Variants in ABCA13 observed in about 807,000 individuals in gnomAD.
The protein encoded by ABCA13 is ATP binding cassette subfamily A member 13.
Under a neutral mutation model 478.7 loss-of-function variants are expected in ABCA13, and 476 were observed. That is an observed-to-expected ratio of 0.99 (90% confidence interval 0.92 to 1.07). The LOEUF is 1.07. Ranked by LOEUF, ABCA13 falls within the 50% of genes least tolerant of loss-of-function variation. The pLI is 0.00. For synonymous variants in ABCA13, 2,252 were observed against 2,158.9 expected (o/e 1.04, Z -1.20); for missense variants, 6,060 against 5,910.6 (o/e 1.03, Z -0.83).
At chr7:48,464,937 C>A (rs1826699903) in intron 43 of ABCA13, among the ~76,000 whole-genome samples, 1 of 152,144 alleles carries the variant, frequency 6.6e-6, no homozygotes, top group African/African-American at 2.4e-5. Flanking sequence ...AATCGGTGTT[C>A]CAACCAAGGT....
intron 31 of ABCA13, among the ~76,000 whole-genome samples, chr7:48,355,281 C>T (rs1035411017): frequency 6.6e-6 from 1 of 151,836 alleles, no homozygotes; most frequent in Non-Finnish European, 1.5e-5. Context: ...AAAGACTTGA[C>T]GGGATGCAGA....
chr7:48,410,995 C>CT (rs1196068848), intron 40 of ABCA13, among the ~76,000 whole-genome samples: 16 of 102,870 alleles, frequency 1.6e-4, no homozygotes, highest in Admixed American at 3.3e-4. Context: ...TTCTTTCTTT[C>CT]TTTCTTTCTT....
intron 1 of ABCA13, among the ~76,000 whole-genome samples, chr7:48,177,447 G>A (rs942638770): frequency 6.6e-5 from 10 of 152,196 alleles, no homozygotes. Flanking sequence ...CTGCGAGCCA[G>A]TGCACTTTCT....
chr7:48,271,797 T>C lies in ABCA13; in HGVS notation c.2131T>C (p.Phe711Leu), dbSNP rs372373416. The part of the protein sequence containing the change: ...PTASISRALN[F>L]TKHLLMMEKK... ...CTATTAATATTACAGGGCTTTAAAT[T>C]TCACAAAGCACCTTCTAATGATGGA... The change falls in exon 17 of 62, where the codon TTC becomes CTC. Residue 711 changes from phenylalanine to leucine, a missense_variant. Coordinates refer to ENST00000435803, the MANE Select transcript of ABCA13 (RefSeq NM_152701.5). The C allele has an allele frequency of 5.4e-6, 8 of 1,488,220 alleles. No individual in the cohort carries two copies. The highest frequency in any genetic ancestry group is 6.3e-6 in the Non-Finnish European group (7 of 1,119,184). The allele number at this position is 1,488,220 out of a possible 1,614,324, so 92.2% of individuals were successfully genotyped here. A position where few individuals can be genotyped will look rare whatever the true frequency, so the allele number is the denominator to read the frequency against.
At chr7:48,179,290 C>T (rs962557592) in intron 1 of ABCA13, among the ~76,000 whole-genome samples, 1 of 152,196 alleles carries the variant, frequency 6.6e-6, no homozygotes, top group Non-Finnish European at 1.5e-5. Flanking sequence ...GGGAACTGGT[C>T]CTCGTGAAAA....
At chr7:48,193,598 T>C (rs1181479771) in intron 2 of ABCA13, among the ~76,000 whole-genome samples, 8 of 151,714 alleles carry the variant, frequency 5.3e-5, no homozygotes, top group Non-Finnish European at 1.2e-4. Flanking sequence ...AAGATGATGA[T>C]GATGATGAAG....
chr7:48,559,459 G>A (rs1786218759), intron 55 of ABCA13, among the ~76,000 whole-genome samples: 1 of 151,970 alleles, frequency 6.6e-6, no homozygotes, highest in Non-Finnish European at 1.5e-5. Context: ...CAGAAATAAT[G>A]TCCAAGAGCC....
intron 15 of ABCA13, among the ~76,000 whole-genome samples, chr7:48,254,239 C>T (rs1313289408): frequency 6.6e-6 from 1 of 151,454 alleles, no homozygotes; most frequent in Non-Finnish European, 1.5e-5. Context: ...CTATTTTTTT[C>T]CCCAATTCCT....
At chr7:48,369,642 A>AT (rs1287803268) in intron 32 of ABCA13, among the ~76,000 whole-genome samples, 1 of 152,170 alleles carries the variant, frequency 6.6e-6, no homozygotes, top group East Asian at 1.9e-4. Context: ...CATTTGTTGA[A>AT]TAGGGTGTCC....
chr7:48,205,839 T>C (rs1784856456), intron 3 of ABCA13, among the ~76,000 whole-genome samples: 1 of 152,250 alleles, frequency 6.6e-6, no homozygotes, highest in African/African-American at 2.4e-5. Context: ...TTACTTATCA[T>C]TGCTTGTGTA....
In ABCA13 at chr7:48,442,440, T is replaced by C. The variant is rs558916288; in HGVS notation, c.12566-12597T>C. ...ATGCCTATATTTATCCTCTTTCTTA[T>C]GGTTATACATCTGCCATTGCAGTCC... On this transcript the variant is annotated intron_variant, in intron 42 of 61. Transcript: ENST00000435803. Among the ~76,000 whole-genome samples the C allele has an allele frequency of 3.3e-5, 5 of 152,348 alleles. No individual in the cohort carries two copies. The South Asian group carries it at 6.2e-4, about 19-fold the overall frequency.
chr7:48,501,855 T>C (rs1830779347), intron 48 of ABCA13, among the ~76,000 whole-genome samples: 1 of 152,138 alleles, frequency 6.6e-6, no homozygotes, highest in Admixed American at 6.5e-5. Flanking sequence ...GTGCTCTGTA[T>C]GTTAGTAGGT....
At position 48,279,149 on chromosome 7, in the gene ABCA13, T is replaced by C; in HGVS notation, c.7955T>C (p.Met2652Thr). 6.2e-7 allele frequency: 1 copy of C among 1,605,732 alleles called. No homozygotes were observed. The highest frequency in any genetic ancestry group is 8.5e-7 in the Non-Finnish European group (1 of 1,176,378). Reference sequence around the variant, plus strand: ...TCTGTGAAAATGAACTTGGAAGATATGAGGAGTCTTGCGGTAGCATTTAAC... The same window carrying C: ...TCTGTGAAAATGAACTTGGAAGATACGAGGAGTCTTGCGGTAGCATTTAAC... Reference protein sequence around the residue: ...LTSVKMNLEDMRSLAVAFNNE... With the variant: ...LTSVKMNLEDTRSLAVAFNNE... The change falls in exon 18 of 62, where the codon ATG (methionine) becomes ACG (threonine). Residue 2652 changes from methionine to threonine, a missense_variant. Coordinates refer to ENST00000435803, the MANE Select transcript of ABCA13 (RefSeq NM_152701.5).
chr7:48,540,232 G>T (rs1833864018), intron 55 of ABCA13, among the ~76,000 whole-genome samples: 1 of 152,020 alleles, frequency 6.6e-6, no homozygotes, highest in South Asian at 2.1e-4. Context: ...GTAGACAAAA[G>T]AATTTTAACT....
intron 43 of ABCA13, among the ~76,000 whole-genome samples, chr7:48,464,054 G>C (rs735071): frequency 1.5e-3 from 225 of 152,304 alleles, no homozygotes; most frequent in African/African-American, 5.1e-3. Context: ...TAAATTTTAA[G>C]AGATGATTAT....
chr7:48,240,238 G>A (rs904488714), intron 9 of ABCA13, among the ~76,000 whole-genome samples: 17 of 152,196 alleles, frequency 1.1e-4, no homozygotes, highest in African/African-American at 4.1e-4. Context: ...AAATAATCAA[G>A]GGACAGTGCT....
intron 55 of ABCA13, among the ~76,000 whole-genome samples, chr7:48,544,664 C>G (rs1045448351): frequency 1.3e-5 from 2 of 151,822 alleles, no homozygotes; most frequent in African/African-American, 2.4e-5. Context: ...TCATTTCTAT[C>G]TTTTGTAATA....
intron 51 of ABCA13, among the ~76,000 whole-genome samples, chr7:48,513,855 A>G (rs1408970855): frequency 1.3e-5 from 2 of 152,208 alleles, no homozygotes; most frequent in Non-Finnish European, 2.9e-5. Flanking sequence ...TGTAGTAAAA[A>G]AAGTGATGGA....
At chr7:48,438,036 T>C (rs1181584025) in intron 42 of ABCA13, among the ~76,000 whole-genome samples, 2 of 152,120 alleles carry the variant, frequency 1.3e-5, no homozygotes, top group African/African-American at 4.8e-5. Flanking sequence ...TGTGCTCTGT[T>C]GCCCACCAAA....
Sources: allele counts gnomAD v4.1 joint callset (sites outside exome capture counted in the v4.1 genomes callset), GRCh38; gene constraint gnomAD v4.1.1; transcripts MANE v1.5; gene names NCBI Gene and HGNC (gene_info 2026-07-23, HGNC 2026-07-21).